MINK1: variants seen among roughly 807,000 people sequenced by gnomAD.
The protein encoded by MINK1 is misshapen-like kinase 1.
In MINK1, 46 loss-of-function variants were observed where a neutral mutation model predicts 178.4. The observed-to-expected ratio is 0.26, with a 90% CI of 0.20 to 0.33. MINK1 has a LOEUF of 0.33. Among genes scored for constraint, MINK1 ranks in the 10% least tolerant of loss-of-function variants. The probability of loss-of-function intolerance (pLI) is 1.00; values close to 1 mark genes in which losing one functional copy is unlikely to be tolerated. For missense variants in MINK1, 1,366 were observed against 1,814.9 expected, an observed-to-expected ratio of 0.75 and a Z score of 4.49; for synonymous variants, 797 against 709.7, an observed-to-expected ratio of 1.12 and a Z score of -1.96.
intron 15 of MINK1, 101 bp downstream of exon 15, chr17:4,891,225 C>G: frequency 8.7e-7 from 1 of 1,154,186 alleles, no homozygotes; most frequent in Non-Finnish European, 1.2e-6. Context: ...CACACACACA[C>G]CTGCTCAGCC....
rs773948119 is a variant in MINK1 at position 4,895,320 on chromosome 17, C to G, written c.3086-30C>G. 8 of 1,603,768 alleles carry G rather than the reference C, an allele frequency of 5.0e-6. No individual in the cohort carries two copies. Among genetic ancestry groups the G allele is most frequent in the Admixed American group, 3.4e-5 (2 of 59,528 alleles). The stretch of plus-strand genomic sequence containing the variant: ...TGGTTAGGTGAGGGCCTGGCTGAGC[C>G]TCTGACCTGCCCAAGGGCTCCTGTT... On this transcript the variant is annotated intron_variant, in intron 25 of 31. Transcript: ENST00000355280. This position sits in a 1 kb window ranked among gnomAD's most constrained non-coding sequence, Gnocchi z 4.3.
At chr17:4,861,801 A>G (rs1392588717) in intron 1 of MINK1, 1 of 159,534 alleles carries the variant, frequency 6.3e-6, no homozygotes, top group Non-Finnish European at 1.4e-5. Flanking sequence ...TGCCCGGCCC[A>G]ACCAAAGATT....
At chr17:4,858,507 T>C (rs996303408) in intron 1 of MINK1, among the ~76,000 whole-genome samples, 8 of 151,222 alleles carry the variant, frequency 5.3e-5, no homozygotes, top group Non-Finnish European at 1.0e-4. Flanking sequence ...GACGAGGTCT[T>C]GCTCTGTTGC....
chr17:4,871,735 T>G (rs958202234), intron 1 of MINK1, among the ~76,000 whole-genome samples: 2 of 152,222 alleles, frequency 1.3e-5, no homozygotes, highest in Non-Finnish European at 2.9e-5. Flanking sequence ...GTTTAACATT[T>G]GAGGAACTGC....
Position 4,891,495 on chromosome 17 carries a change from G to A in MINK1, c.1780G>A (p.Ala594Thr), listed in dbSNP as rs768977799. 5.6e-6 allele frequency: 9 copies of A among 1,606,232 alleles called. No homozygotes were observed. The highest frequency in any genetic ancestry group is 5.0e-5 in the Admixed American group (3 of 59,494). The change falls in exon 16 of 32, where the codon GCA (alanine) becomes ACA (threonine). Residue 594 changes from alanine to threonine, a missense_variant. Around this residue, in one of 14 missense-constraint regions of MINK1, gnomAD observed 709 missense variants for 692.3 expected, o/e 1.02. Coordinates refer to ENST00000355280, the MANE Select transcript of MINK1 (RefSeq NM_153827.5). ...CCGGGTCCCACTGAAGCCATATGCA[G>A]CACCTGTACCCCGATCCCAGTCCCT... ...AHRVPLKPYA[A>T]PVPRSQSLQD...
chr17:4,897,721 A>G lies in MINK1; in HGVS notation c.*434A>G. On this transcript the variant is annotated 3_prime_UTR_variant, in exon 32 of 32. Transcript: ENST00000355280. The stretch of plus-strand genomic sequence containing the variant: ...ACCCTGGGGGGGGTCACTGGGCCCT[A>G]GATTTTTGGGGGGTCACCAGCCACT... 1 of 156,010 alleles carries G rather than the reference A, an allele frequency of 6.4e-6. No homozygotes were observed. The highest frequency in any genetic ancestry group is 1.4e-5 in the Non-Finnish European group (1 of 70,570). The allele number at this position is 156,010 out of a possible 1,614,324, so 9.7% of individuals were successfully genotyped here.
intron 1 of MINK1, among the ~76,000 whole-genome samples, chr17:4,869,231 T>C (rs1915500868): frequency 6.8e-6 from 1 of 147,864 alleles, no homozygotes. Flanking sequence ...GCCTAATTTT[T>C]TAATTTTTAA....
chr17:4,841,093 C>T (rs12051611), intron 1 of MINK1, among the ~76,000 whole-genome samples: 1 of 152,126 alleles, frequency 6.6e-6, no homozygotes, highest in East Asian at 1.9e-4. Context: ...CAGGGCCACA[C>T]GGGACAGGCG....
At chr17:4,888,183 T>C (rs1968395540) in intron 12 of MINK1, among the ~76,000 whole-genome samples, 1 of 151,860 alleles carries the variant, frequency 6.6e-6, no homozygotes. Flanking sequence ...ACCACTGCAC[T>C]CCAGCCTGGG....
intron 4 of MINK1, among the ~76,000 whole-genome samples, chr17:4,881,663 G>C (rs1268139752): frequency 6.6e-6 from 1 of 152,240 alleles, no homozygotes; most frequent in Non-Finnish European, 1.5e-5. Context: ...ATATTTGTGG[G>C]AGATAACAGG....
rs776565601 is a variant in MINK1, at chr17:4,887,063, G to A, written c.950-47G>A. 30 of 1,543,398 alleles carry A rather than the reference G, an allele frequency of 1.9e-5. No individual in the cohort carries two copies. The highest frequency in any genetic ancestry group is 4.7e-5 in the South Asian group (4 of 84,312). The stretch of plus-strand genomic sequence containing the variant: ...ACCCAAGGTTTCCCTAGCCCACGGC[G>A]GGTCTGGGGCGCTGGGTGAGATAAC... On this transcript the variant is annotated intron_variant, in intron 10 of 31. Coordinates refer to ENST00000355280, the MANE Select transcript of MINK1 (RefSeq NM_153827.5). The surrounding 1 kb of genome is among the most constrained non-coding windows in gnomAD (Gnocchi z 7.6).
intron 5 of MINK1, 127 bp from the exon 6 acceptor site, chr17:4,884,785 G>T: frequency 1.3e-6 from 1 of 793,698 alleles, no homozygotes. Context: ...TCCTGGTGGA[G>T]AAGGTCTGCT....
chr17:4,852,367 A>G (rs539789526), intron 1 of MINK1, among the ~76,000 whole-genome samples: 4 of 152,232 alleles, frequency 2.6e-5, no homozygotes, highest in Admixed American at 2.0e-4. Flanking sequence ...AAGAGAATCA[A>G]TCACAAAAAT....
chr17:4,896,050 G>A lies in MINK1; in HGVS notation c.3412G>A (p.Val1138Met), dbSNP rs1457793100. 3.1e-6 allele frequency: 5 copies of A among 1,607,354 alleles called. No individual in the cohort carries two copies. Among genetic ancestry groups the A allele is most frequent in the Non-Finnish European group, 4.2e-6 (5 of 1,176,944 alleles). Residue 1138 changes from valine (V) to methionine (M), a missense_variant, in exon 28 of 32, where the codon GTG (valine) becomes ATG (methionine). This residue lies in a region of MINK1 where 77 missense variants were observed against 119.5 expected (regional missense o/e 0.64). Coordinates refer to ENST00000355280, the MANE Select transcript of MINK1 (RefSeq NM_153827.5). The surrounding 1 kb of genome is among the most constrained non-coding windows in gnomAD (Gnocchi z 4.6). ...CCTGGTCATCGCCCTCAAGAGCTCC[G>A]TGGAGGTGTATGCCTGGGCCCCCAA... ...KFLVIALKSS[V>M]EVYAWAPKPY...
intron 1 of MINK1, among the ~76,000 whole-genome samples, chr17:4,841,944 G>C (rs528506458): frequency 1.3e-5 from 2 of 151,972 alleles, no homozygotes; most frequent in Non-Finnish European, 2.9e-5. Context: ...TGGGAGCACC[G>C]GGCACGGTGG....
chr17:4,876,404 C>CGT (rs948841765), intron 1 of MINK1, among the ~76,000 whole-genome samples: 2 of 152,176 alleles, frequency 1.3e-5, no homozygotes, highest in African/African-American at 2.4e-5. Flanking sequence ...TGCCGGGGCA[C>CGT]GTCTCCGCTC....
intron 1 of MINK1, among the ~76,000 whole-genome samples, chr17:4,868,303 A>G (rs964191162): frequency 6.6e-6 from 1 of 152,142 alleles, no homozygotes; most frequent in Non-Finnish European, 1.5e-5. Context: ...TAAATTTACC[A>G]TAAAGTATTG....
chr17:4,879,517 A>ATGGGAATAGTGGTGCCG (rs1967507232), intron 2 of MINK1, among the ~76,000 whole-genome samples: 1 of 152,178 alleles, frequency 6.6e-6, no homozygotes, highest in African/African-American at 2.4e-5. Context: ...TAGTGGTGCC[A>ATGGGAATAGTGGTGCCG]TGTGCTCCTG....
intron 17 of MINK1, 68 bp downstream of exon 17, chr17:4,892,302 G>A: frequency 1.3e-6 from 2 of 1,496,442 alleles, no homozygotes; most frequent in Non-Finnish European, 9.0e-7. Flanking sequence ...GGGGGCACAG[G>A]GACTTTACCA....
Sources: allele counts gnomAD v4.1 joint callset (sites outside exome capture counted in the v4.1 genomes callset), GRCh38; gene constraint gnomAD v4.1.1; regional missense constraint gnomAD v4.1.1; non-coding constraint Gnocchi (gnomAD v3.1); transcripts MANE v1.5; gene names NCBI Gene and HGNC (gene_info 2026-07-23, HGNC 2026-07-21).